Variants in DGKZ observed in about 807,000 individuals in gnomAD.
DGKZ encodes the protein DAG kinase zeta.
A neutral mutation model predicts 142.5 loss-of-function variants in DGKZ; 45 were observed. The observed-to-expected ratio is 0.32, with a 90% CI of 0.25 to 0.40. The LOEUF is 0.40. DGKZ is among the 10% of genes least tolerant of loss of function. The probability of loss-of-function intolerance (pLI) is 1.00; values close to 1 mark genes in which losing one functional copy is unlikely to be tolerated. For synonymous variants in DGKZ, 442 were observed against 527.0 expected (o/e 0.84, Z 2.21); for missense variants, 755 against 1,306.5 (o/e 0.58, Z 6.51).
At chr11:46,342,531 C>A (rs531313234), upstream of DGKZ, among the ~76,000 whole-genome samples, 1 of 152,358 alleles carries the variant, frequency 6.6e-6, no homozygotes, top group South Asian at 2.1e-4. Context: ...CAGGGCCCTG[C>A]ACAGCCTCCT....
At chr11:46,336,755 G>A (rs1297724545) in intron 1 of DGKZ, among the ~76,000 whole-genome samples, 2 of 152,034 alleles carry the variant, frequency 1.3e-5, no homozygotes, top group African/African-American at 2.4e-5. Flanking sequence ...GGGTTTCGCC[G>A]TGTTGCCAGG....
chr11:46,339,769 A>G (rs1940186050), intron 1 of DGKZ, among the ~76,000 whole-genome samples: 1 of 152,208 alleles, frequency 6.6e-6, no homozygotes, highest in South Asian at 2.1e-4. Flanking sequence ...AAGCATGGGG[A>G]AGCCTGGAGT....
chr11:46,345,165 A>T (rs1940494133), upstream of DGKZ: 1 of 864,406 alleles, frequency 1.2e-6, no homozygotes, highest in African/African-American at 1.8e-5. The surrounding 1 kb of genome is among the most constrained non-coding windows in gnomAD (Gnocchi z 4.1). Flanking sequence ...ACAGGAGCCC[A>T]GGTGCAGATT....
chr11:46,365,774 C>G, intron 1 of DGKZ: 1 of 985,428 alleles, frequency 1.0e-6, no homozygotes, highest in Non-Finnish European at 1.2e-6. Flanking sequence ...AAACAAAGGC[C>G]CAGCAAGTGG....
At chr11:46,363,895 C>T (rs1367862791) in intron 1 of DGKZ, among the ~76,000 whole-genome samples, 2 of 152,174 alleles carry the variant, frequency 1.3e-5, no homozygotes, top group Non-Finnish European at 1.5e-5. Flanking sequence ...TCGGGAAGAC[C>T]CGGGTTCAGG....
At chr11:46,377,363 C>A in intron 25 of DGKZ, 151 bp downstream of exon 25, 1 of 1,373,312 alleles carries the variant, frequency 7.3e-7, no homozygotes. Flanking sequence ...GCCTTCAGCC[C>A]TGTGGTTCTG....
exon 7 of DGKZ, chr11:46,371,328 T>G: frequency 1.2e-6 from 2 of 1,613,860 alleles, no homozygotes; most frequent in Non-Finnish European, 1.7e-6. Context: ...CCAGCAGAAG[T>G]TCACCTTCCA....
At chr11:46,374,073 G>GAGC in intron 14 of DGKZ, 84 bp from the exon 15 acceptor site, 1 of 1,466,814 alleles carries the variant, frequency 6.8e-7, no homozygotes, top group East Asian at 2.3e-5. Flanking sequence ...CAGATGGGCT[G>GAGC]AGCTGGCTCG....
chr11:46,350,129 G>C (rs562274023), intron 1 of DGKZ, among the ~76,000 whole-genome samples: 28 of 152,156 alleles, frequency 1.8e-4, no homozygotes, highest in Non-Finnish European at 3.7e-4. Context: ...GGGGATAGTG[G>C]GGCCTTCAGA....
chr11:46,373,139 A>G, intron 14 of DGKZ, 38 bp downstream of exon 14: 1 of 1,510,634 alleles, frequency 6.6e-7, no homozygotes, highest in Non-Finnish European at 8.8e-7. Context: ...AGGGCAGGTG[A>G]CTGGGGACTG....
At chr11:46,333,617 A>G (rs1396338397) in intron 1 of DGKZ, 15 of 843,752 alleles carry the variant, frequency 1.8e-5, no homozygotes, top group Non-Finnish European at 1.7e-5. Context: ...CTGCCGAGGG[A>G]TCTCTGTCTT....
intron 24 of DGKZ, 87 bp downstream of exon 24, chr11:46,376,651 C>A: frequency 6.5e-7 from 1 of 1,539,182 alleles, no homozygotes; most frequent in Non-Finnish European, 8.9e-7. Context: ...TTAGCTCCCC[C>A]GATGGGCTCA....
At chr11:46,366,955 C>G (rs574714907) in intron 1 of DGKZ, 11 of 1,536,830 alleles carry the variant, frequency 7.2e-6, no homozygotes, top group South Asian at 7.1e-5. Context: ...GCAAGGCGGC[C>G]GGACCCCAGG....
In DGKZ at chr11:46,372,325, C is replaced by A; in HGVS notation, c.928-103C>A. 2 of 1,392,820 alleles carry A rather than the reference C, an allele frequency of 1.4e-6. No homozygotes were observed. The highest frequency in any genetic ancestry group is 1.8e-5 in the Admixed American group (1 of 55,536). The allele number at this position is 1,392,820 out of a possible 1,614,324, so 86.3% of individuals were successfully genotyped here. A position where few individuals can be genotyped will look rare whatever the true frequency, so the allele number is the denominator to read the frequency against. On this transcript the variant is annotated intron_variant, in intron 10 of 30. Transcript: ENST00000527911. The surrounding 1 kb of genome is among the most constrained non-coding windows in gnomAD (Gnocchi z 5.9). ...AATCCTGTCCTTTCTCCACCCCTCA[C>A]CCCTTATTGGCCCTGGTTCCCACAG... is the stretch of plus-strand genomic sequence containing the variant.
Position 46,367,179 on chromosome 11 carries a change from C to T in DGKZ, c.162-112C>T, listed in dbSNP as rs930952284. The T allele has an allele frequency of 8.5e-5, 108 of 1,267,188 alleles. No individual in the cohort carries two copies. The highest frequency in any genetic ancestry group is 1.2e-4 in the Non-Finnish European group (106 of 890,766). 78.5% of individuals were successfully genotyped at this position (1,267,188 alleles called of 1,614,324 possible). A position where few individuals can be genotyped will look rare whatever the true frequency, so the allele number is the denominator to read the frequency against. ...TAGTGTCTGGGGCTGCTGGGAGGCT[C>T]CTCCGCCCTCCCTGTTGCCGAGGTC... On this transcript the variant is annotated intron_variant, in intron 1 of 30. Coordinates refer to ENST00000527911, the Ensembl canonical transcript of DGKZ. The surrounding 1 kb of genome is among the most constrained non-coding windows in gnomAD (Gnocchi z 4.1).
chr11:46,369,918 A>C, intron 5 of DGKZ, 23 bp from the exon 6 acceptor site: 1 of 1,613,134 alleles, frequency 6.2e-7, no homozygotes, highest in South Asian at 1.1e-5. Flanking sequence ...TCACCCAGTG[A>C]AATTTTTCCC....
At chr11:46,355,266 G>C (rs564570421) in intron 1 of DGKZ, among the ~76,000 whole-genome samples, 1 of 151,604 alleles carries the variant, frequency 6.6e-6, no homozygotes, top group Non-Finnish European at 1.5e-5. Flanking sequence ...CCGCCACCAC[G>C]CCCGGCTAAT....
chr11:46,373,526 G>C (rs1385596214), intron 14 of DGKZ, among the ~76,000 whole-genome samples: 4 of 140,592 alleles, frequency 2.8e-5, no homozygotes, highest in African/African-American at 5.4e-5. Context: ...TTGTGACAGA[G>C]TCTCACTGTC....
intron 1 of DGKZ, among the ~76,000 whole-genome samples, chr11:46,339,370 AG>A (rs940635274): frequency 5.3e-5 from 8 of 152,230 alleles, no homozygotes; most frequent in African/African-American, 1.9e-4. Context: ...TGAGCTGAGC[AG>A]GGGGAGGGGA....
Sources: gnomAD v4.1 joint callset for allele counts (sites outside exome capture counted in the v4.1 genomes callset) on GRCh38, gnomAD v4.1.1 for gene constraint, Gnocchi (gnomAD v3.1) non-coding constraint, MANE v1.5 for transcripts, NCBI Gene and HGNC (gene_info 2026-07-23, HGNC 2026-07-21) for gene names.